HDX: variants seen among roughly 807,000 people sequenced by gnomAD.
The protein encoded by HDX is chromosome X open reading frame 43.
HDX carries 19 observed loss-of-function variants against 45.2 expected under a neutral mutation model. The observed-to-expected ratio is 0.42, with a 90% confidence interval of 0.29 to 0.62. The LOEUF is 0.62. Among genes scored for constraint, HDX ranks in the 20% least tolerant of loss-of-function variants. HDX has a pLI of 0.20. For missense variants in HDX, 532 were observed against 493.9 expected (o/e 1.08, Z -0.73); for synonymous variants, 188 against 172.8 (o/e 1.09, Z -0.69).
At chrX:84,383,832 TA>T (rs2038245391) in intron 5 of HDX, among the ~76,000 whole-genome samples, 1 of 111,718 alleles carries the variant, frequency 9.0e-6, no homozygotes, top group Non-Finnish European at 1.9e-5. Context: ...TTAATTAACT[TA>T]AGATTATGGC....
intron 6 of HDX, among the ~76,000 whole-genome samples, chrX:84,358,789 T>G (rs1201683653): frequency 8.9e-6 from 1 of 111,970 alleles, no homozygotes; most frequent in African/African-American, 3.2e-5. Flanking sequence ...CTTGAACTCT[T>G]GGGCTCAAGT....
At chrX:84,398,689 C>T (rs779403287) in intron 5 of HDX, among the ~76,000 whole-genome samples, 2 of 111,691 alleles carry the variant, frequency 1.8e-5, no homozygotes, top group African/African-American at 3.3e-5. Context: ...ATATTTAGGA[C>T]GTGAACTCAG....
intron 5 of HDX, among the ~76,000 whole-genome samples, chrX:84,387,345 T>A (rs1177745054): frequency 1.8e-5 from 2 of 111,836 alleles, no homozygotes; most frequent in Non-Finnish European, 3.8e-5. Context: ...GTAATGTCTC[T>A]TAGGTCCAAC....
At chrX:84,497,094 C>T (rs2041017450) in intron 1 of HDX, among the ~76,000 whole-genome samples, 2 of 111,973 alleles carry the variant, frequency 1.8e-5, no homozygotes, top group South Asian at 7.5e-4. Context: ...TAAGACGTGC[C>T]TTGCATTTCT....
chrX:84,322,121 A>G (rs754008400), intron 10 of HDX, 107 bp from the exon 11 acceptor site: 1 of 480,336 alleles, frequency 2.1e-6, no homozygotes, highest in South Asian at 6.3e-5. Context: ...ATGGATTTAA[A>G]GAATAATTTA....
At chrX:84,371,296 G>A (rs968860934) in intron 5 of HDX, among the ~76,000 whole-genome samples, 13 of 111,859 alleles carry the variant, frequency 1.2e-4, no homozygotes, top group African/African-American at 4.2e-4. Context: ...TCAGAGGATT[G>A]CTAAAAAAGA....
At chrX:84,342,534 TGTGTGA>T (rs1269031677) in intron 7 of HDX, among the ~76,000 whole-genome samples, 1 of 109,022 alleles carries the variant, frequency 9.2e-6, no homozygotes, top group African/African-American at 3.4e-5. Context: ...TGTGTGTGTG[TGTGTGA>T]GAGAGAGAGA....
chrX:84,488,635 AT>A (rs1470735605), intron 1 of HDX, among the ~76,000 whole-genome samples: 1 of 111,063 alleles, frequency 9.0e-6, no homozygotes, highest in African/African-American at 3.3e-5. Context: ...TTTCTAAGAT[AT>A]TTTGGGAAAT....
intron 5 of HDX, among the ~76,000 whole-genome samples, chrX:84,409,758 A>T (rs1321003657): frequency 8.7e-5 from 9 of 103,049 alleles, no homozygotes; most frequent in Non-Finnish European, 1.6e-4. Flanking sequence ...GCATTAGGAG[A>T]TATACCTAAT....
At chrX:84,445,755 T>G (rs1363259973) in intron 4 of HDX, among the ~76,000 whole-genome samples, 1 of 111,637 alleles carries the variant, frequency 9.0e-6, no homozygotes, top group Non-Finnish European at 1.9e-5. Flanking sequence ...TTAGAATGCC[T>G]TTACAAATTA....
At chrX:84,451,082 T>G (rs2039986698) in intron 4 of HDX, among the ~76,000 whole-genome samples, 1 of 110,875 alleles carries the variant, frequency 9.0e-6, no homozygotes, top group Non-Finnish European at 1.9e-5. Context: ...GATGAAAAAT[T>G]TAGACAGAAT....
rs1389565514 is a variant in HDX, at chrX:84,344,289, C to A, written c.1621G>T (p.Asp541Tyr). 8.3e-7 allele frequency: 1 copy of A among 1,206,177 alleles called. No individual in the cohort carries two copies. The highest frequency in any genetic ancestry group is 1.1e-6 in the Non-Finnish European group (1 of 892,315). ...PEVGEDNDRNDEVSICLSEGS... is the reference protein window; with the variant it reads ...PEVGEDNDRNYEVSICLSEGS... ...TCAGACAAACAGATGGATACTTCAT[C>A]ATTTCTGTCATTATCCTCTCCTACT... The change falls in exon 7 of 11, where the codon GAT becomes TAT. Residue 541 changes from aspartate to tyrosine, a missense_variant. Asp to Tyr is a radical substitution (Grantham distance 160). This residue lies in a region of HDX where 151 missense variants were observed against 131.8 expected (regional missense o/e 1.15). Coordinates refer to ENST00000373177, the MANE Select transcript of HDX (RefSeq NM_001177479.2).
At chrX:84,492,265 A>T (rs2040906143) in intron 1 of HDX, among the ~76,000 whole-genome samples, 2 of 109,860 alleles carry the variant, frequency 1.8e-5, no homozygotes, top group African/African-American at 6.7e-5. Flanking sequence ...AAAATTCATT[A>T]TTTTCTATTT....
chrX:84,441,473 A>G (rs2039760156), intron 4 of HDX, among the ~76,000 whole-genome samples: 1 of 111,927 alleles, frequency 8.9e-6, no homozygotes, highest in Admixed American at 9.5e-5. Context: ...ACTATGCCCT[A>G]TACTCTTTCT....
chrX:84,339,725 G>A (rs2037044944), intron 7 of HDX, among the ~76,000 whole-genome samples: 1 of 110,873 alleles, frequency 9.0e-6, no homozygotes, highest in Non-Finnish European at 1.9e-5. Flanking sequence ...CTATGTGGTG[G>A]CTGTATGTAC....
chrX:84,501,273 C>T (rs1299377232), intron 1 of HDX, among the ~76,000 whole-genome samples: 2 of 111,324 alleles, frequency 1.8e-5, no homozygotes, highest in Non-Finnish European at 1.9e-5. Flanking sequence ...TGAAGGGGTG[C>T]GGGAAAGGGC....
rs1156945769 is a variant in HDX, at chrX:84,415,742, TTACTGA to T, written c.1305+24784_1305+24789del. 1.6e-4 allele frequency among the ~76,000 whole-genome samples: 18 copies of T among 112,742 alleles called. No individual in the cohort carries two copies. The East Asian group carries it at 2.2e-3, about 14-fold the overall frequency. ...GTTTTCTGTTTTCTTGCTTGGACAC[TTACTGA>T]TACAGACTGTCCATTTGATAATAAG... On this transcript the variant is annotated intron_variant, in intron 5 of 10. Transcript: ENST00000373177.
In HDX at chrX:84,435,425, A is replaced by G. The variant is rs971114667; in HGVS notation, c.1305+5107T>C. 5.5e-5 allele frequency among the ~76,000 whole-genome samples: 6 copies of G among 110,084 alleles called. No individual in the cohort carries two copies. In the East Asian group the frequency reaches 1.7e-3, roughly 32 times the overall value. ...ATGGGGTTGTTTGTTTTTTTCTTGT[A>G]AATTTGTTGGAGTTCATTGTAGATT... On this transcript the variant is annotated intron_variant, in intron 5 of 10. Coordinates refer to ENST00000373177, the MANE Select transcript of HDX (RefSeq NM_001177479.2).
At chrX:84,392,576 C>G in intron 5 of HDX, among the ~76,000 whole-genome samples, 2 of 110,158 alleles carry the variant, frequency 1.8e-5, no homozygotes, top group Middle Eastern at 9.2e-3. Flanking sequence ...TTTTTTGTGT[C>G]CTCTTCAATT....
Sources: gnomAD v4.1 joint callset for allele counts (sites outside exome capture counted in the v4.1 genomes callset) on GRCh38, gnomAD v4.1.1 for gene constraint, gnomAD v4.1.1 regional missense constraint, MANE v1.5 for transcripts, NCBI Gene and HGNC (gene_info 2026-07-23, HGNC 2026-07-21) for gene names.